Variants in SAMD11 observed in about 807,000 individuals in gnomAD.
SAMD11 encodes the protein sterile alpha motif domain-containing protein 11.
SAMD11 carries 77 observed loss-of-function variants against 64.4 expected under a neutral mutation model. That is an observed-to-expected ratio of 1.20 (90% CI 0.99 to 1.44). The LOEUF is 1.44. Ranked by LOEUF, SAMD11 falls within the 40% of genes most tolerant of loss-of-function variation. The pLI, the probability that SAMD11 is intolerant of heterozygous loss-of-function variation, is 0.00. For synonymous variants in SAMD11, 658 were observed against 421.9 expected, an observed-to-expected ratio of 1.56 and a Z score of -6.86; for missense variants, 1,402 against 943.3, an observed-to-expected ratio of 1.49 and a Z score of -6.37.
chr1:927,442 GC>G (rs553391854), intron 2 of SAMD11, among the ~76,000 whole-genome samples: 1 of 152,066 alleles, frequency 6.6e-6, no homozygotes, highest in Non-Finnish European at 1.5e-5. Context: ...GCCAGGAGAT[GC>G]CCCCCCACCT....
intron 8 of SAMD11, 99 bp from the exon 9 acceptor site, chr1:942,037 G>A (rs1641803328): frequency 2.3e-6 from 1 of 443,168 alleles, no homozygotes; most frequent in South Asian, 4.2e-5. Context: ...TCGACCGCCC[G>A]CGGGGCCGGC....
chr1:933,734 A>G (rs1018394401), intron 4 of SAMD11, among the ~76,000 whole-genome samples: 2 of 101,244 alleles, frequency 2.0e-5, no homozygotes, highest in Non-Finnish European at 2.5e-5. Context: ...CTGCCTTCCT[A>G]TGTGCCTGGG....
rs2100356070 is a variant in SAMD11 at position 942,136 on chromosome 1, G to T, written c.1359G>T (p.Arg453Ser). 1.5e-6 allele frequency: 2 copies of T among 1,332,688 alleles called. No individual in the cohort carries two copies. The highest frequency in any genetic ancestry group is 1.4e-5 in the South Asian group (1 of 69,274). The allele number at this position is 1,332,688 out of a possible 1,614,324, so 82.6% of individuals were successfully genotyped here. A position where few individuals can be genotyped will look rare whatever the true frequency, so the allele number is the denominator to read the frequency against. The part of the protein sequence containing the change: ...APAAAPSFSE[R>S]ELPQPPPLLS... ...CCGCTCATTGCGCTGCCGTCCACAG[G>T]GAGCTGCCTCAGCCGCCCCCCTTGC... Residue 453 changes from arginine to serine, a missense_variant and splice_region_variant, in exon 9 of 14, where the codon AGG becomes AGT. By Grantham distance (110) the Arg-to-Ser change is moderately radical. Coordinates refer to ENST00000616016, the MANE Select transcript of SAMD11 (RefSeq NM_001385641.1).
At chr1:942,331 G>A in intron 9 of SAMD11, 79 bp from the exon 10 acceptor site, 5 of 1,099,910 alleles carry the variant, frequency 4.5e-6, no homozygotes, top group South Asian at 2.0e-5. Flanking sequence ...GAGCCGAGAC[G>A]GACCGGGTAG....
intron 4 of SAMD11, 128 bp downstream of exon 4, chr1:931,217 T>A: frequency 3.4e-6 from 3 of 892,546 alleles, no homozygotes; most frequent in Admixed American, 2.1e-5. Context: ...GCTGGCTGAG[T>A]GTCTGCCAGG....
chr1:943,269 C>A lies in SAMD11; in HGVS notation c.2070C>A (p.Leu690=), dbSNP rs746467130. The A allele has an allele frequency of 2.5e-6, 4 of 1,612,764 alleles. No individual in the cohort carries two copies. In the Admixed American group the frequency reaches 5.0e-5, roughly 20 times the overall value. The stretch of plus-strand genomic sequence containing the variant: ...ACAACTCAGGCGCGGTAGGGGGACT[C>A]TCCATGGATGGGGAGGAGGCCCCAG... ...PYFHTGAVGG[L]SMDGEEAPAP... The change falls in exon 12 of 14, where the codon CTC becomes CTA. Residue 690 remains leucine (L), a synonymous_variant. Coordinates refer to ENST00000616016, the MANE Select transcript of SAMD11 (RefSeq NM_001385641.1).
intron 2 of SAMD11, among the ~76,000 whole-genome samples, chr1:929,103 C>T (rs1406137843): frequency 6.6e-6 from 1 of 152,228 alleles, no homozygotes; most frequent in Non-Finnish European, 1.5e-5. Flanking sequence ...AATAACTTTC[C>T]TTTATCCCTG....
At position 944,414 on chromosome 1, in the gene SAMD11, AACTGGG is replaced by A. The variant is rs1379616567; in HGVS notation, c.*267_*272del. 36 of 1,117,970 alleles carry A rather than the reference AACTGGG, an allele frequency of 3.2e-5. No individual in the cohort carries two copies. The Middle Eastern group carries it at 9.3e-4, about 29-fold the overall frequency. The allele number at this position is 1,117,970 out of a possible 1,614,324, so 69.3% of individuals were successfully genotyped here. On this transcript the variant is annotated 3_prime_UTR_variant, in exon 14 of 14. Transcript: ENST00000616016. ...CAGGGGCCTGCAGGCCTCCCCCTGG[AACTGGG>A]ACTGGTCTCGGTCTGCTGACGTCAG...
At chr1:933,922 A>G (rs1641285624) in intron 4 of SAMD11, among the ~76,000 whole-genome samples, 1 of 152,012 alleles carries the variant, frequency 6.6e-6, no homozygotes. Flanking sequence ...GAGCTATTTA[A>G]CGAGGTTTAG....
chr1:926,022 C>T lies in SAMD11; in HGVS notation c.609+9C>T, dbSNP rs1294452961. ...GAATATCCTCCCCGGTGGTGAGATG[C>T]GGGGCTCGGTTGGGGCTGGGAGTTA... On this transcript the variant is annotated intron_variant, in intron 2 of 13. Transcript: ENST00000616016. 3 of 1,609,604 alleles carry T rather than the reference C, an allele frequency of 1.9e-6. No homozygotes were observed. The highest frequency in any genetic ancestry group is 1.1e-5 in the South Asian group (1 of 91,042).
At chr1:926,151 G>A (rs1640875392) in intron 2 of SAMD11, 138 bp downstream of exon 2, 1 of 825,122 alleles carries the variant, frequency 1.2e-6, no homozygotes, top group Non-Finnish European at 2.0e-6. Context: ...GAAGGGCAGG[G>A]GGAAGCGGCT....
chr1:942,425 C>G lies in SAMD11; in HGVS notation c.1490C>G (p.Pro497Arg). ...LCQTPGYGFLPPAQAEMFAWQ... is the reference protein window; with the variant it reads ...LCQTPGYGFLRPAQAEMFAWQ... ...TCCCCACCAGGCTACGGCTTCCTGC[C>G]CCCCGCGCAGGCGGAGATGTTCGCC... The change falls in exon 10 of 14, where the codon CCC becomes CGC. Residue 497 changes from proline (P) to arginine (R), a missense_variant. Pro to Arg is a moderately radical substitution (Grantham distance 103). Transcript: ENST00000616016. 2 of 1,485,500 alleles carry G rather than the reference C, an allele frequency of 1.3e-6. No homozygotes were observed. Among genetic ancestry groups the G allele is most frequent in the East Asian group, 2.9e-5 (1 of 34,582 alleles). The allele number at this position is 1,485,500 out of a possible 1,614,324, so 92.0% of individuals were successfully genotyped here.
In SAMD11 at chr1:942,463, C is replaced by T. The variant is rs1478384002; in HGVS notation, c.1528C>T (p.Leu510Phe). 6.7e-7 allele frequency: 1 copy of T among 1,487,836 alleles called. No homozygotes were observed. Among genetic ancestry groups the T allele is most frequent in the Non-Finnish European group, 8.9e-7 (1 of 1,125,458 alleles). 92.2% of individuals were successfully genotyped at this position (1,487,836 alleles called of 1,614,324 possible). Residue 510 changes from leucine to phenylalanine, a missense_variant, in exon 10 of 14, where the codon CTC becomes TTC. Leu to Phe is a conservative substitution (Grantham distance 22). Coordinates refer to ENST00000616016, the MANE Select transcript of SAMD11 (RefSeq NM_001385641.1). ...QAEMFAWQQE[L>F]LRKQNLARLE... ...GGAGATGTTCGCCTGGCAGCAGGAG[C>T]TCCTGCGGAAGCAGAACCTGGCCCG...
intron 5 of SAMD11, among the ~76,000 whole-genome samples, chr1:938,542 G>T (rs778183491): frequency 6.6e-6 from 1 of 152,160 alleles, no homozygotes; most frequent in African/African-American, 2.4e-5. Flanking sequence ...GAGGCGCCTC[G>T]AGGCGGCCTG....
At position 943,020 on chromosome 1, in the gene SAMD11, T is replaced by TG. The variant is rs774055810; in HGVS notation, c.2018dup (p.Phe674LeufsTer28). Reference sequence around the variant, plus strand: ...CTTTTCCCAGGGTCCACACTGCCCCTGGGCTTCCCTTATGCCGTCAGCCCC... The same window carrying TG: ...CTTTTCCCAGGGTCCACACTGCCCCTGGGGCTTCCCTTATGCCGTCAGCCCC... On this transcript the variant is annotated frameshift_variant, in exon 11 of 14. Coordinates refer to ENST00000616016, the MANE Select transcript of SAMD11 (RefSeq NM_001385641.1). LOFTEE classifies it high-confidence loss of function. 6 of 1,532,924 alleles carry TG rather than the reference T, an allele frequency of 3.9e-6. No individual in the cohort carries two copies. Among genetic ancestry groups the TG allele is most frequent in the Non-Finnish European group, 5.2e-6 (6 of 1,142,986 alleles). The allele number at this position is 1,532,924 out of a possible 1,614,324, so 95.0% of individuals were successfully genotyped here.
At chr1:943,839 C>A (rs1207648140) in intron 13 of SAMD11, 31 bp downstream of exon 13, 5 of 1,612,852 alleles carry the variant, frequency 3.1e-6, no homozygotes, top group Non-Finnish European at 4.2e-6. Flanking sequence ...GTCAGGGTCT[C>A]CAGACCACAG....
chr1:939,092 CTTT>C lies in SAMD11; in HGVS notation c.1022_1024del (p.Phe341del). On this transcript the variant is annotated inframe_deletion, in exon 6 of 14. Transcript: ENST00000616016. ...GCTCCCCCCGTATCAGCAGCGACTG[CTTT>C]TCAGAGAAGAGGGCACGAAGCGAAT... The C allele has an allele frequency of 6.2e-7, 1 of 1,605,554 alleles. No homozygotes were observed. Among genetic ancestry groups the C allele is most frequent in the Non-Finnish European group, 8.5e-7 (1 of 1,176,340 alleles).
Position 935,854 on chromosome 1 carries a change from G to A in SAMD11, c.925G>A (p.Glu309Lys). The change falls in exon 5 of 14, where the codon GAA (glutamate) becomes AAA (lysine). Residue 309 changes from glutamate (E) to lysine (K), a missense_variant. Glu to Lys is a moderately conservative substitution (Grantham distance 56). Coordinates refer to ENST00000616016, the MANE Select transcript of SAMD11 (RefSeq NM_001385641.1). ...TATGCCCGAGCATCAGAGCCGCTGT[G>A]AATTCCAGAGAGGCAGCCTGGAGAT... The part of the protein sequence containing the change: ...LVMPEHQSRC[E>K]FQRGSLEIGL... The A allele has an allele frequency of 6.2e-7, 1 of 1,613,208 alleles. No individual in the cohort carries two copies. Among genetic ancestry groups the A allele is most frequent in the African/African-American group, 1.3e-5 (1 of 75,042 alleles).
At chr1:933,685 G>A (rs571549093) in intron 4 of SAMD11, among the ~76,000 whole-genome samples, 3 of 152,258 alleles carry the variant, frequency 2.0e-5, no homozygotes, top group Admixed American at 6.5e-5. Context: ...GATGAGTCTC[G>A]CTGCCGATTA....
Sources: gnomAD v4.1 joint callset for allele counts (sites outside exome capture counted in the v4.1 genomes callset) on GRCh38, gnomAD v4.1.1 for gene constraint, MANE v1.5 for transcripts, NCBI Gene and HGNC (gene_info 2026-07-23, HGNC 2026-07-21) for gene names.